The following PRKCH variants were observed in gnomAD, a reference collection of about 807,000 sequenced individuals.
PRKCH encodes protein kinase C eta.
A neutral mutation model predicts 82.5 loss-of-function variants in PRKCH; 28 were observed. That is an observed-to-expected ratio of 0.34 (90% CI 0.25 to 0.47). The LOEUF is 0.47. Among genes scored for constraint, PRKCH ranks in the 20% least tolerant of loss-of-function variants. The pLI is 1.00. For synonymous variants in PRKCH, 322 were observed against 327.4 expected (o/e 0.98, Z 0.18); for missense variants, 705 against 881.8 (o/e 0.80, Z 2.54).
At position 61,333,506 on chromosome 14, in the gene PRKCH, C is replaced by T. The variant is rs540654234; in HGVS notation, c.363+11042C>T. 8.5e-5 allele frequency among the ~76,000 whole-genome samples: 13 copies of T among 152,108 alleles called. No individual in the cohort carries two copies. In the East Asian group the frequency reaches 2.3e-3, roughly 27 times the overall value. On this transcript the variant is annotated intron_variant, in intron 1 of 13. Coordinates refer to ENST00000332981, the MANE Select transcript of PRKCH (RefSeq NM_006255.5). ...TTCAATTAATTATAGAAAATAGTTA[C>T]TTAGTAGAAAACAGGAGCTAGGAGC...
chr14:61,254,087 T>C (rs1402319000), intron 1 of PRKCH, among the ~76,000 whole-genome samples: 1 of 149,772 alleles, frequency 6.7e-6, no homozygotes, highest in Non-Finnish European at 1.5e-5. Context: ...ATGCGAGACA[T>C]TGAGGAGTAT....
At chr14:61,410,263 T>G (rs908745069) in intron 2 of PRKCH, among the ~76,000 whole-genome samples, 1 of 152,256 alleles carries the variant, frequency 6.6e-6, no homozygotes, top group African/African-American at 2.4e-5. Context: ...ACTTTAAATC[T>G]AGTATTTGAT....
chr14:61,518,825 T>C (rs1369075703), intron 10 of PRKCH, among the ~76,000 whole-genome samples: 1 of 152,172 alleles, frequency 6.6e-6, no homozygotes, highest in Non-Finnish European at 1.5e-5. Flanking sequence ...TTCATTATTG[T>C]TTTTTGAGAC....
intron 1 of PRKCH, among the ~76,000 whole-genome samples, chr14:61,334,714 T>C (rs77097608): frequency 0.019 from 2,948 of 152,268 alleles, 108 homozygotes; most frequent in African/African-American, 0.067. Context: ...AGTCCCTCCA[T>C]CTCTGATGAT....
rs773635253 is a variant in PRKCH at position 61,550,774 on chromosome 14, G to C, written c.*943G>C. The C allele has an allele frequency of 2.6e-5, 4 of 152,236 alleles. No homozygotes were observed. Among genetic ancestry groups the C allele is most frequent in the Non-Finnish European group, 5.9e-5 (4 of 68,030 alleles). The allele number at this position is 152,236 out of a possible 1,614,324, so 9.4% of individuals were successfully genotyped here. ...CACTGAAGAATTGCAGGCCACTCAT[G>C]TCAGTGACCAGATTTGTGGCTTATA... On this transcript the variant is annotated 3_prime_UTR_variant, in exon 14 of 14. Coordinates refer to ENST00000332981, the MANE Select transcript of PRKCH (RefSeq NM_006255.5).
At chr14:61,334,483 C>T (rs556881514) in intron 1 of PRKCH, among the ~76,000 whole-genome samples, 4 of 152,080 alleles carry the variant, frequency 2.6e-5, no homozygotes, top group South Asian at 2.1e-4. Context: ...CTGCACAGAG[C>T]GGGTGACAAT....
chr14:61,246,223 T>C (rs1195924295), intron 1 of PRKCH, among the ~76,000 whole-genome samples: 1 of 145,148 alleles, frequency 6.9e-6, no homozygotes, highest in African/African-American at 2.6e-5. Flanking sequence ...CTGACCAACA[T>C]GGCAAAACCC....
chr14:61,431,309 C>G (rs1883384746), intron 2 of PRKCH, among the ~76,000 whole-genome samples: 1 of 152,248 alleles, frequency 6.6e-6, no homozygotes, highest in African/African-American at 2.4e-5. Context: ...AGGAGAGACA[C>G]AAACCTCAGC....
chr14:61,396,812 CAG>C (rs1424007825), intron 2 of PRKCH, among the ~76,000 whole-genome samples: 2 of 151,998 alleles, frequency 1.3e-5, no homozygotes, highest in Non-Finnish European at 2.9e-5. Flanking sequence ...GGGATGTGGC[CAG>C]AGATTTCGGA....
intron 4 of PRKCH, among the ~76,000 whole-genome samples, chr14:61,446,968 A>G (rs909648944): frequency 6.6e-6 from 1 of 152,218 alleles, no homozygotes. Flanking sequence ...GTCACCTGCT[A>G]TGTAAAGAGC....
intron 1 of PRKCH, among the ~76,000 whole-genome samples, chr14:61,195,130 A>G (rs905259626): frequency 6.6e-6 from 1 of 152,128 alleles, no homozygotes; most frequent in African/African-American, 2.4e-5. Context: ...CCATGTTTCC[A>G]TTTAGGATCA....
chr14:61,444,878 C>T (rs1008424401), intron 3 of PRKCH, among the ~76,000 whole-genome samples: 1 of 152,192 alleles, frequency 6.6e-6, no homozygotes, highest in Admixed American at 6.5e-5. Flanking sequence ...CATTAGAGCC[C>T]TGTGCAGTAG....
At chr14:61,274,161 G>C (rs8007766) in intron 1 of PRKCH, among the ~76,000 whole-genome samples, 7,686 of 152,290 alleles carry the variant, frequency 0.05, 315 homozygotes, top group African/African-American at 0.11. Context: ...AAAACACAGA[G>C]TAAAGTCTTA....
intron 10 of PRKCH, among the ~76,000 whole-genome samples, chr14:61,512,103 TTGTCA>T (rs1454937710): frequency 1.3e-5 from 2 of 152,172 alleles, no homozygotes; most frequent in African/African-American, 2.4e-5. Flanking sequence ...AATATATCAC[TTGTCA>T]TGTCTGTGGT....
intron 10 of PRKCH, among the ~76,000 whole-genome samples, chr14:61,520,744 T>C (rs539545052): frequency 6.6e-6 from 1 of 152,348 alleles, no homozygotes; most frequent in East Asian, 1.9e-4. Context: ...CCATCTAGCC[T>C]GAACAAGGAA....
At chr14:61,533,077 G>T (rs188795260) in intron 12 of PRKCH, among the ~76,000 whole-genome samples, 2 of 152,288 alleles carry the variant, frequency 1.3e-5, no homozygotes, top group East Asian at 3.9e-4. Flanking sequence ...TGGCTGAGTG[G>T]CCTTGGTGAG....
At chr14:61,325,625 A>G (rs1459691665) in intron 1 of PRKCH, among the ~76,000 whole-genome samples, 1 of 152,240 alleles carries the variant, frequency 6.6e-6, no homozygotes, top group Non-Finnish European at 1.5e-5. Flanking sequence ...CTTTATCAAA[A>G]TGAAAAACTA....
chr14:61,283,849 TAAAA>T (rs985332248), intron 1 of PRKCH, among the ~76,000 whole-genome samples: 7 of 151,702 alleles, frequency 4.6e-5, no homozygotes, highest in African/African-American at 1.7e-4. Flanking sequence ...AAAAATAAAA[TAAAA>T]AAAGAGAGAA....
At chr14:61,334,880 T>C (rs572577678) in intron 1 of PRKCH, among the ~76,000 whole-genome samples, 10 of 152,020 alleles carry the variant, frequency 6.6e-5, no homozygotes, top group South Asian at 2.1e-4. Flanking sequence ...ATTTATTTAA[T>C]TTTTTTAGAT....
Sources: gnomAD v4.1 joint callset for allele counts (sites outside exome capture counted in the v4.1 genomes callset) on GRCh38, gnomAD v4.1.1 for gene constraint, MANE v1.5 for transcripts, NCBI Gene and HGNC (gene_info 2026-07-23, HGNC 2026-07-21) for gene names.